The following MICU1 variants were observed in gnomAD, a reference collection of about 807,000 sequenced individuals.
MICU1 encodes calcium uptake protein 1, mitochondrial.
In MICU1, 45 loss-of-function variants were observed where a neutral mutation model predicts 56.8. The ratio of observed to expected loss-of-function variants is 0.79; its 90% CI spans 0.62 to 1.02. The LOEUF is 1.02. Ranked by LOEUF, MICU1 falls within the 50% of genes least tolerant of loss-of-function variation. MICU1 has a pLI of 0.00. For missense variants in MICU1, 504 were observed against 587.1 expected (o/e 0.86, Z 1.46); for synonymous variants, 186 against 195.1 (o/e 0.95, Z 0.39).
chr10:72,441,618 T>TTTC lies in MICU1; in HGVS notation c.934-18248_934-18247insGAA, dbSNP rs1554870790. 2.9e-4 allele frequency among the ~76,000 whole-genome samples: 40 copies of TTTC among 138,954 alleles called. 1 individual carries two copies. Among genetic ancestry groups the TTTC allele is most frequent in the South Asian group, 2.8e-3 (12 of 4,246 alleles). The allele number at this position is 138,954 out of a possible 152,430, so 91.2% of individuals were successfully genotyped here. A position where few individuals can be genotyped will look rare whatever the true frequency, so the allele number is the denominator to read the frequency against. On this transcript the variant is annotated intron_variant, in intron 8 of 11. Coordinates refer to ENST00000361114, the MANE Select transcript of MICU1 (RefSeq NM_001195518.2). ...TATTCACTTATTTTTAATTTTTCTT[T>TTTC]TTTTTTTTTTTTTTTTGAGGCAGAA...
chr10:72,467,713 A>C (rs1346159648), intron 8 of MICU1: 1 of 152,062 alleles, frequency 6.6e-6, no homozygotes, highest in African/African-American at 2.4e-5. Context: ...TTTAACCTCA[A>C]TATTTTTTCT....
In MICU1 at chr10:72,407,955, T is replaced by C. The variant is rs1311647830; in HGVS notation, c.1154A>G (p.His385Arg). 1.2e-6 allele frequency: 2 copies of C among 1,612,866 alleles called. No individual in the cohort carries two copies. Among genetic ancestry groups the C allele is most frequent in the African/African-American group, 2.7e-5 (2 of 74,868 alleles). ...NDVDTALSFY[H>R]MAGASLDKVT... is the part of the protein sequence containing the mutation. ...TTTATCAAGAGATGCTCCAGCCATA[T>C]GGTAAAAACTCAATGCAGTGTCCAC... Residue 385 changes from histidine to arginine, a missense_variant, in exon 10 of 12, where the codon CAT becomes CGT. Coordinates refer to ENST00000361114, the MANE Select transcript of MICU1 (RefSeq NM_001195518.2).
chr10:72,395,677 G>T (rs1461894974), intron 10 of MICU1, among the ~76,000 whole-genome samples: 1 of 152,234 alleles, frequency 6.6e-6, no homozygotes, highest in African/African-American at 2.4e-5. Flanking sequence ...CTTGCTCACT[G>T]CTAGCGCAGC....
intron 11 of MICU1, among the ~76,000 whole-genome samples, chr10:72,369,884 C>T (rs116742253): frequency 0.029 from 4,298 of 150,478 alleles, 184 homozygotes; most frequent in African/African-American, 0.1. Context: ...AATTTTTGTA[C>T]ATATATATTT....
chr10:72,491,202 T>C (rs572619313), intron 6 of MICU1, among the ~76,000 whole-genome samples: 2 of 152,362 alleles, frequency 1.3e-5, no homozygotes, highest in South Asian at 2.1e-4. Flanking sequence ...TTCACTTATT[T>C]TGCAATAAGC....
chr10:72,433,954 C>A (rs769458099), intron 8 of MICU1, among the ~76,000 whole-genome samples: 1 of 152,198 alleles, frequency 6.6e-6, no homozygotes, highest in African/African-American at 2.4e-5. Flanking sequence ...TTTAACTTCT[C>A]TGAGTGCTTG....
intron 9 of MICU1, among the ~76,000 whole-genome samples, chr10:72,412,275 C>T (rs1275176687): frequency 1.3e-5 from 2 of 152,116 alleles, no homozygotes; most frequent in Non-Finnish European, 2.9e-5. Flanking sequence ...GACAAGAAGG[C>T]TACAACTTAT....
intron 2 of MICU1, among the ~76,000 whole-genome samples, chr10:72,565,190 G>A (rs557615995): frequency 7.3e-5 from 11 of 151,196 alleles, no homozygotes; most frequent in Non-Finnish European, 1.0e-4. Flanking sequence ...ACACGCACAC[G>A]TATGTTTATT....
At chr10:72,517,136 C>A (rs181316347) in intron 5 of MICU1, among the ~76,000 whole-genome samples, 1 of 151,996 alleles carries the variant, frequency 6.6e-6, no homozygotes, top group African/African-American at 2.4e-5. Flanking sequence ...CAAATAAATA[C>A]GTCAAAATTT....
At chr10:72,506,434 T>C (rs1432551365) in intron 6 of MICU1, among the ~76,000 whole-genome samples, 2 of 152,234 alleles carry the variant, frequency 1.3e-5, no homozygotes, top group East Asian at 3.8e-4. Flanking sequence ...TTTAATGCCA[T>C]AGTCTTTCTG....
intron 5 of MICU1, among the ~76,000 whole-genome samples, chr10:72,509,002 G>A (rs1218313659): frequency 6.6e-6 from 1 of 152,122 alleles, no homozygotes; most frequent in Admixed American, 6.6e-5. Flanking sequence ...CACAAAGAAA[G>A]TTAGTTCTCA....
intron 5 of MICU1, among the ~76,000 whole-genome samples, chr10:72,519,210 A>G (rs1400568460): frequency 1.3e-5 from 2 of 152,244 alleles, no homozygotes; most frequent in African/African-American, 4.8e-5. Context: ...AATGTTTTAA[A>G]GCAATGTGCT....
In MICU1 at chr10:72,549,490, C is replaced by A. The variant is rs537239442; in HGVS notation, c.493+1689G>T. ...AGAGGCATGAGCCACAGCGCCTGGC[C>A]CATCTGTTTGTATTTTTGACCACAC... On this transcript the variant is annotated intron_variant, in intron 4 of 11. Coordinates refer to ENST00000361114, the MANE Select transcript of MICU1 (RefSeq NM_001195518.2). Among the ~76,000 whole-genome samples the A allele has an allele frequency of 1.6e-4, 24 of 152,186 alleles. No individual in the cohort carries two copies. In the South Asian group the frequency reaches 5.0e-3, roughly 32 times the overall value.
intron 9 of MICU1, 50 bp from the exon 10 acceptor site, chr10:72,408,087 G>T: frequency 8.8e-7 from 1 of 1,133,484 alleles, no homozygotes. Flanking sequence ...ACAAAAAGCA[G>T]CACGATATGC....
At chr10:72,439,527 C>A (rs1864849377) in intron 8 of MICU1, among the ~76,000 whole-genome samples, 1 of 152,196 alleles carries the variant, frequency 6.6e-6, no homozygotes, top group South Asian at 2.1e-4. Context: ...TCCTATTCAA[C>A]ACAGTGTTGG....
intron 8 of MICU1, among the ~76,000 whole-genome samples, chr10:72,451,999 G>A (rs775702053): frequency 6.6e-6 from 1 of 151,806 alleles, no homozygotes; most frequent in Non-Finnish European, 1.5e-5. Flanking sequence ...TGAGTATCTG[G>A]GATTACAGGC....
At chr10:72,439,935 G>T (rs773941363) in intron 8 of MICU1, among the ~76,000 whole-genome samples, 9 of 152,156 alleles carry the variant, frequency 5.9e-5, no homozygotes, top group Non-Finnish European at 1.2e-4. Flanking sequence ...CATGCTCATG[G>T]ATAGGAAGAA....
Position 72,602,886 on chromosome 10 carries a change from T to A in MICU1, c.-2+23124A>T, listed in dbSNP as rs183298863. ...ACTTCGGGAGGCCGAGGCAGGCGGA[T>A]CACGAGGTCAGGAGATTGAGACCAT... On this transcript the variant is annotated intron_variant, in intron 1 of 11. Coordinates refer to ENST00000361114, the MANE Select transcript of MICU1 (RefSeq NM_001195518.2). 8.6e-3 allele frequency among the ~76,000 whole-genome samples: 1,302 copies of A among 152,248 alleles called. 19 individuals carry two copies. The highest frequency in any genetic ancestry group is 0.03 in the African/African-American group (1,229 of 41,540).
intron 1 of MICU1, among the ~76,000 whole-genome samples, chr10:72,589,268 G>A (rs1015415526): frequency 4.6e-5 from 7 of 151,288 alleles, no homozygotes; most frequent in Admixed American, 1.3e-4. Context: ...CAGCCTGGGC[G>A]ACTGACTGAA....
Sources: gnomAD v4.1 joint callset for allele counts (sites outside exome capture counted in the v4.1 genomes callset) on GRCh38, gnomAD v4.1.1 for gene constraint, MANE v1.5 for transcripts, NCBI Gene and HGNC (gene_info 2026-07-23, HGNC 2026-07-21) for gene names.